Variants in IP6K3 observed in about 807,000 individuals in gnomAD.
IP6K3 encodes ATP:1D-myo-inositol-hexakisphosphate phosphotransferase.
IP6K3 carries 20 observed loss-of-function variants against 28.8 expected under a neutral mutation model. The observed-to-expected ratio is 0.70, with a 90% CI of 0.49 to 1.01. The LOEUF (loss-of-function observed/expected upper bound fraction) is 1.01. Ranked by LOEUF, IP6K3 falls within the 50% of genes least tolerant of loss-of-function variation. The pLI is 0.00. For synonymous variants in IP6K3, 213 were observed against 221.3 expected (o/e 0.96, Z 0.33); for missense variants, 480 against 537.1 (o/e 0.89, Z 1.05).
intron 4 of IP6K3, among the ~76,000 whole-genome samples, chr6:33,726,303 G>A (rs964719596): frequency 6.6e-6 from 1 of 152,174 alleles, no homozygotes; most frequent in Non-Finnish European, 1.5e-5. Context: ...ATGGGAAGAC[G>A]CCTGCAGGGA....
At chr6:33,758,101 A>G in the IP6K3 span, among the ~76,000 whole-genome samples, 1 of 152,236 alleles carries the variant, frequency 6.6e-6, no homozygotes, top group East Asian at 1.9e-4. Flanking sequence ...CGCTCCAGGG[A>G]GGGAAGGTGC....
At chr6:33,759,123 C>T in the IP6K3 span, among the ~76,000 whole-genome samples, 1 of 151,920 alleles carries the variant, frequency 6.6e-6, no homozygotes. Flanking sequence ...TAGATAAAAT[C>T]GAAAATAAAA....
At chr6:33,733,761 T>G (rs888933229) in intron 2 of IP6K3, among the ~76,000 whole-genome samples, 4 of 152,196 alleles carry the variant, frequency 2.6e-5, no homozygotes, top group African/African-American at 9.6e-5. Flanking sequence ...TCTCTCCGTG[T>G]GTGACGCTGA....
At chr6:33,731,497 T>C (rs979552505) in intron 2 of IP6K3, among the ~76,000 whole-genome samples, 1 of 152,142 alleles carries the variant, frequency 6.6e-6, no homozygotes, top group Non-Finnish European at 1.5e-5. Flanking sequence ...AATCCAAAAG[T>C]CATTTCCATT....
the IP6K3 span, among the ~76,000 whole-genome samples, chr6:33,758,460 AG>A: frequency 6.6e-6 from 1 of 152,268 alleles, no homozygotes. Flanking sequence ...CGGGAGGTTG[AG>A]GCTGTAGTGA....
the IP6K3 span, among the ~76,000 whole-genome samples, chr6:33,757,075 A>AC: frequency 1.3e-5 from 2 of 152,144 alleles, no homozygotes; most frequent in African/African-American, 4.8e-5. Flanking sequence ...CGTGGAGGAC[A>AC]CCCTTATCCT....
At chr6:33,731,519 C>T (rs1032479113) in intron 2 of IP6K3, among the ~76,000 whole-genome samples, 1 of 152,202 alleles carries the variant, frequency 6.6e-6, no homozygotes, top group Non-Finnish European at 1.5e-5. Context: ...CTCATATTGT[C>T]AGAGTTACAC....
intron 4 of IP6K3, 107 bp from the exon 5 acceptor site, chr6:33,725,723 C>G: frequency 1.1e-6 from 1 of 913,870 alleles, no homozygotes; most frequent in Non-Finnish European, 1.7e-6. Context: ...ATTCTGGGCA[C>G]CATTCTTCAC....
chr6:33,745,896 G>T (rs957019603), intron 1 of IP6K3, among the ~76,000 whole-genome samples: 2 of 152,192 alleles, frequency 1.3e-5, no homozygotes, highest in African/African-American at 4.8e-5. Context: ...GGATGTACAA[G>T]TGTGCATGAG....
chr6:33,759,830 G>C, the IP6K3 span, among the ~76,000 whole-genome samples: 1 of 151,278 alleles, frequency 6.6e-6, no homozygotes, highest in Non-Finnish European at 1.5e-5. Flanking sequence ...CCAAGATTGC[G>C]CCACTGAACT....
chr6:33,749,943 A>G (rs955836633), upstream of IP6K3, among the ~76,000 whole-genome samples: 2 of 152,098 alleles, frequency 1.3e-5, no homozygotes, highest in Admixed American at 6.5e-5. Flanking sequence ...AGATGCCACC[A>G]TTCGGAGGAG....
At chr6:33,732,155 G>T (rs1030098471) in intron 2 of IP6K3, among the ~76,000 whole-genome samples, 4 of 152,206 alleles carry the variant, frequency 2.6e-5, no homozygotes, top group African/African-American at 9.6e-5. Context: ...AGTGCTGGCC[G>T]GCAGCCTGGC....
At chr6:33,756,385 A>C in the IP6K3 span, among the ~76,000 whole-genome samples, 1 of 152,100 alleles carries the variant, frequency 6.6e-6, no homozygotes, top group Non-Finnish European at 1.5e-5. Flanking sequence ...CTGCAAGTGC[A>C]AAGGCCCAGG....
the IP6K3 span, among the ~76,000 whole-genome samples, chr6:33,752,744 C>T: frequency 5.9e-5 from 9 of 152,096 alleles, no homozygotes; most frequent in Non-Finnish European, 1.3e-4. Context: ...CACCTGGGCT[C>T]CATTCTTCAC....
intron 2 of IP6K3, among the ~76,000 whole-genome samples, chr6:33,732,812 C>G (rs1454336186): frequency 6.6e-6 from 1 of 152,216 alleles, no homozygotes; most frequent in African/African-American, 2.4e-5. Flanking sequence ...TGTGGCTTTG[C>G]TTAGCAGCAG....
chr6:33,752,774 G>T, the IP6K3 span, among the ~76,000 whole-genome samples: 1 of 152,186 alleles, frequency 6.6e-6, no homozygotes, highest in Non-Finnish European at 1.5e-5. Context: ...TCCTGGTGAT[G>T]TGACTATGGC....
the IP6K3 span, among the ~76,000 whole-genome samples, chr6:33,752,395 G>C: frequency 2.6e-5 from 4 of 152,234 alleles, no homozygotes; most frequent in South Asian, 4.1e-4. Context: ...CCAGGCACGA[G>C]GGGGAGACTG....
At chr6:33,755,714 A>G in the IP6K3 span, among the ~76,000 whole-genome samples, 2 of 152,362 alleles carry the variant, frequency 1.3e-5, no homozygotes, top group South Asian at 4.1e-4. Context: ...CTGGGGAGAC[A>G]TCGCCACATC....
chr6:33,745,883 G>A (rs1333931555), intron 1 of IP6K3, among the ~76,000 whole-genome samples: 3 of 152,280 alleles, frequency 2.0e-5, no homozygotes, highest in Admixed American at 1.3e-4. Context: ...GAAATCAGGC[G>A]CAGGATGTAC....
Sources: gnomAD v4.1 joint callset for allele counts (sites outside exome capture counted in the v4.1 genomes callset) on GRCh38, gnomAD v4.1.1 for gene constraint, MANE v1.5 for transcripts, NCBI Gene and HGNC (gene_info 2026-07-23, HGNC 2026-07-21) for gene names.